Variants in FGF12 observed in about 807,000 individuals in gnomAD.
FGF12 encodes fibroblast growth factor 12.
In FGF12, 14 loss-of-function variants were observed where a neutral mutation model predicts 23.6. The ratio of observed to expected loss-of-function variants is 0.59; its 90% CI spans 0.39 to 0.93. FGF12 has a LOEUF of 0.93. Among genes scored for constraint, FGF12 ranks in the 40% least tolerant of loss-of-function variants. The pLI is 0.00. For missense variants in FGF12, 175 were observed against 217.8 expected (o/e 0.80, Z 1.24); for synonymous variants, 62 against 77.3 (o/e 0.80, Z 1.04).
At chr3:192,319,118 G>A (rs1301789544) in intron 4 of FGF12, among the ~76,000 whole-genome samples, 1 of 152,146 alleles carries the variant, frequency 6.6e-6, no homozygotes, top group Non-Finnish European at 1.5e-5. Context: ...CTCCAAAAAT[G>A]CTAAAGGGAG....
chr3:192,201,408 G>A (rs1405631806), intron 4 of FGF12, among the ~76,000 whole-genome samples: 1 of 152,132 alleles, frequency 6.6e-6, no homozygotes, highest in East Asian at 1.9e-4. Flanking sequence ...CTACTCTACA[G>A]GTCTTTAAAA....
chr3:192,319,788 T>C (rs536839108), intron 4 of FGF12, among the ~76,000 whole-genome samples: 1 of 152,226 alleles, frequency 6.6e-6, no homozygotes, highest in African/African-American at 2.4e-5. Context: ...CAGTTTAAAA[T>C]GGTGGGTTAT....
chr3:192,395,668 T>C (rs1427158829), intron 2 of FGF12, among the ~76,000 whole-genome samples: 1 of 151,978 alleles, frequency 6.6e-6, no homozygotes, highest in East Asian at 1.9e-4. Flanking sequence ...ACTTATAGAG[T>C]AATTATAAGA....
At chr3:192,231,286 CT>C (rs140399233) in intron 4 of FGF12, among the ~76,000 whole-genome samples, 10,408 of 151,162 alleles carry the variant, frequency 0.069, 377 homozygotes, top group African/African-American at 0.083. Flanking sequence ...ACAGGCCCCC[CT>C]TTTTTTTTAC....
chr3:192,583,518 A>G (rs1391730582), intron 2 of FGF12, among the ~76,000 whole-genome samples: 1 of 152,192 alleles, frequency 6.6e-6, no homozygotes, highest in Non-Finnish European at 1.5e-5. Context: ...CAAGACTTGG[A>G]TATTAAGTCA....
intron 2 of FGF12, among the ~76,000 whole-genome samples, chr3:192,635,622 C>T (rs552530878): frequency 5.3e-5 from 8 of 152,240 alleles, no homozygotes; most frequent in African/African-American, 1.9e-4. Context: ...TACATTAATC[C>T]AGAAACCAGA....
At chr3:192,410,790 A>C (rs750952571) in intron 2 of FGF12, among the ~76,000 whole-genome samples, 1 of 152,168 alleles carries the variant, frequency 6.6e-6, no homozygotes, top group Non-Finnish European at 1.5e-5. Context: ...AAGGACAGTC[A>C]ACAACAAGCT....
At chr3:192,707,189 T>C (rs1718497764) in intron 2 of FGF12, among the ~76,000 whole-genome samples, 1 of 152,144 alleles carries the variant, frequency 6.6e-6, no homozygotes, top group Non-Finnish European at 1.5e-5. Context: ...GCTCCAGAAA[T>C]GCCACCCTTT....
chr3:192,192,158 A>T (rs1716825877), intron 4 of FGF12, among the ~76,000 whole-genome samples: 1 of 152,122 alleles, frequency 6.6e-6, no homozygotes, highest in South Asian at 2.1e-4. Context: ...TTAGAGCTGG[A>T]AGTCTTGCTC....
At chr3:192,201,991 A>C (rs1717391850) in intron 4 of FGF12, among the ~76,000 whole-genome samples, 1 of 152,250 alleles carries the variant, frequency 6.6e-6, no homozygotes, top group Non-Finnish European at 1.5e-5. Context: ...ATAATCTCTT[A>C]CATATGGATG....
chr3:192,603,486 C>T (rs2102214), intron 2 of FGF12, among the ~76,000 whole-genome samples: 34,291 of 151,868 alleles, frequency 0.23, 4,579 homozygotes, highest in East Asian at 0.34. Flanking sequence ...GGGGAACCTG[C>T]CCCCAATATT....
intron 4 of FGF12, among the ~76,000 whole-genome samples, chr3:192,185,853 C>T (rs900441209): frequency 1.3e-5 from 2 of 148,490 alleles, no homozygotes; most frequent in South Asian, 2.1e-4. Flanking sequence ...AGCGAGGCTC[C>T]GTCTAAAAAA....
chr3:192,320,189 G>C (rs545093203), intron 4 of FGF12, among the ~76,000 whole-genome samples: 1 of 152,156 alleles, frequency 6.6e-6, no homozygotes, highest in Non-Finnish European at 1.5e-5. Flanking sequence ...GAAAAGAGGA[G>C]TAGCTCTACA....
intron 4 of FGF12, among the ~76,000 whole-genome samples, chr3:192,214,034 T>C (rs1212896841): frequency 6.6e-6 from 1 of 152,196 alleles, no homozygotes; most frequent in Non-Finnish European, 1.5e-5. Flanking sequence ...GTCCATGTAA[T>C]TTACAAATAT....
At chr3:192,379,216 A>G (rs1024997801) in intron 2 of FGF12, among the ~76,000 whole-genome samples, 2 of 152,208 alleles carry the variant, frequency 1.3e-5, no homozygotes, top group South Asian at 2.1e-4. Flanking sequence ...GCAGTTATTC[A>G]GCTTCCATAA....
chr3:192,714,513 A>ATTTTTTTTTTTTTTTTTTTTTTTTTT lies in FGF12; in HGVS notation c.13+12667_13+12668insAAAAAAAAAAAAAAAAAAAAAAAAAA, dbSNP rs770781442. Reference sequence around the variant, plus strand: ...CTTATTTATAGATCTTAAGGAAATAATTTTTTTTTTTTTTTTTTTTTTTGA... The same window carrying ATTTTTTTTTTTTTTTTTTTTTTTTTT: ...CTTATTTATAGATCTTAAGGAAATAATTTTTTTTTTTTTTTTTTTTTTTTTTTTTTTTTTTTTTTTTTTTTTTTTGA... On this transcript the variant is annotated intron_variant, in intron 2 of 5. Transcript: ENST00000445105. 1.4e-4 allele frequency among the ~76,000 whole-genome samples: 14 copies of ATTTTTTTTTTTTTTTTTTTTTTTTTT among 99,754 alleles called. 1 individual carries two copies. Among genetic ancestry groups the ATTTTTTTTTTTTTTTTTTTTTTTTTT allele is most frequent in the East Asian group, 6.3e-4 (2 of 3,152 alleles). The allele number at this position is 99,754 out of a possible 152,430, so 65.4% of individuals were successfully genotyped here.
At chr3:192,246,419 A>T (rs1711566576) in intron 4 of FGF12, among the ~76,000 whole-genome samples, 2 of 152,196 alleles carry the variant, frequency 1.3e-5, no homozygotes, top group Admixed American at 1.3e-4. Flanking sequence ...TTGTAGATAG[A>T]TATACACTTT....
chr3:192,405,978 T>A (rs1334345689), intron 2 of FGF12, among the ~76,000 whole-genome samples: 1 of 152,178 alleles, frequency 6.6e-6, no homozygotes, highest in Non-Finnish European at 1.5e-5. Flanking sequence ...GGTCCTGCCA[T>A]CTCTCTGCCA....
intron 2 of FGF12, among the ~76,000 whole-genome samples, chr3:192,383,215 T>G (rs1268874530): frequency 6.6e-6 from 1 of 152,202 alleles, no homozygotes; most frequent in Non-Finnish European, 1.5e-5. Flanking sequence ...AGTTTATACT[T>G]TTCTGAGCTA....
Sources: gnomAD v4.1 joint callset for allele counts (sites outside exome capture counted in the v4.1 genomes callset) on GRCh38, gnomAD v4.1.1 for gene constraint, MANE v1.5 for transcripts, NCBI Gene and HGNC (gene_info 2026-07-23, HGNC 2026-07-21) for gene names.